ZFHX3: variants seen among roughly 807,000 people sequenced by gnomAD.
ZFHX3 encodes the protein zinc finger homeobox protein 3.
Under a neutral mutation model 279.1 loss-of-function variants are expected in ZFHX3, and 42 were observed. That is an observed-to-expected ratio of 0.15 (90% confidence interval 0.12 to 0.19). ZFHX3 has a LOEUF of 0.19. Ranked by LOEUF, ZFHX3 falls within the 10% of genes least tolerant of loss-of-function variation. The pLI, the probability that ZFHX3 is intolerant of heterozygous loss-of-function variation, is 1.00. For missense variants in ZFHX3, 4,981 were observed against 4,754.0 expected (o/e 1.05, Z -1.40); for synonymous variants, 2,293 against 1,957.8 (o/e 1.17, Z -4.52).
chr16:72,989,460 C>G (rs1015984385), intron 1 of ZFHX3, among the ~76,000 whole-genome samples: 6 of 150,182 alleles, frequency 4.0e-5, no homozygotes, highest in African/African-American at 1.5e-4. Flanking sequence ...CCAGCCTGGG[C>G]GACAGACACT....
chr16:73,714,883 C>G (rs940798678), intron 1 of ZFHX3, among the ~76,000 whole-genome samples: 14 of 152,188 alleles, frequency 9.2e-5, no homozygotes, highest in Admixed American at 6.5e-4. Context: ...TAGTCCTGCT[C>G]CCGCTCATTT....
chr16:73,474,498 T>G lies in ZFHX3; in HGVS notation c.-1546-18240A>C, dbSNP rs907626870. The stretch of plus-strand genomic sequence containing the variant: ...CAAAAGCAGAGAGCATTTGCTTGCA[T>G]TTTTATATAAAACTCCAACAGGTGA... On this transcript the variant is annotated intron_variant, in intron 2 of 17. Coordinates refer to the ZFHX3 transcript ENST00000641206. Among the ~76,000 whole-genome samples the G allele has an allele frequency of 3.3e-5, 5 of 152,184 alleles. No homozygotes were observed. In the East Asian group the frequency reaches 9.6e-4, roughly 29 times the overall value.
At chr16:73,206,612 G>C (rs1446856626) in intron 5 of ZFHX3, among the ~76,000 whole-genome samples, 1 of 151,772 alleles carries the variant, frequency 6.6e-6, no homozygotes, top group Non-Finnish European at 1.5e-5. Flanking sequence ...CATGTATTCA[G>C]TATTTTTTTT....
intron 2 of ZFHX3, among the ~76,000 whole-genome samples, chr16:73,625,172 G>C (rs1373997592): frequency 6.6e-6 from 1 of 152,174 alleles, no homozygotes; most frequent in Non-Finnish European, 1.5e-5. Flanking sequence ...GCTCAACTCA[G>C]CCTCAGCTAG....
At chr16:73,363,404 C>T (rs1372894541) in intron 3 of ZFHX3, among the ~76,000 whole-genome samples, 3 of 152,144 alleles carry the variant, frequency 2.0e-5, no homozygotes, top group Admixed American at 6.6e-5. Flanking sequence ...TTCAATACTG[C>T]GATCTATGAA....
At chr16:73,128,134 C>T (rs796546958) in intron 7 of ZFHX3, among the ~76,000 whole-genome samples, 2 of 152,056 alleles carry the variant, frequency 1.3e-5, no homozygotes, top group African/African-American at 4.8e-5. Flanking sequence ...TAATTTTTGG[C>T]CTTGTTTGTT....
At chr16:73,728,015 G>GCCCACCCC (rs1555535414) in intron 1 of ZFHX3, among the ~76,000 whole-genome samples, 1 of 75,426 alleles carries the variant, frequency 1.3e-5, no homozygotes, top group Non-Finnish European at 2.6e-5. Context: ...GCCGAATTGT[G>GCCCACCCC]CCCCCCCCCC....
chr16:72,866,189 T>C (rs2038018097), intron 4 of ZFHX3, among the ~76,000 whole-genome samples: 1 of 152,156 alleles, frequency 6.6e-6, no homozygotes, highest in African/African-American at 2.4e-5. Context: ...CTTTGGCAGA[T>C]ACACAGAGAG....
intron 2 of ZFHX3, among the ~76,000 whole-genome samples, chr16:73,547,459 C>CT (rs2020138432): frequency 6.6e-6 from 1 of 152,040 alleles, no homozygotes; most frequent in Non-Finnish European, 1.5e-5. Flanking sequence ...TTGACTTTTC[C>CT]TTTAGTTCCA....
intron 1 of ZFHX3, among the ~76,000 whole-genome samples, chr16:73,844,629 G>A (rs1397180487): frequency 6.6e-6 from 1 of 151,984 alleles, no homozygotes; most frequent in Non-Finnish European, 1.5e-5. Context: ...ATGGGAAGAT[G>A]GGTAGAGGGA....
intron 2 of ZFHX3, among the ~76,000 whole-genome samples, chr16:73,553,632 AT>A (rs971875931): frequency 1.3e-5 from 2 of 152,156 alleles, no homozygotes; most frequent in African/African-American, 4.8e-5. Context: ...ACCTCTTTAT[AT>A]TTAAGGACAG....
At chr16:73,280,373 A>G (rs2014426007) in intron 4 of ZFHX3, among the ~76,000 whole-genome samples, 1 of 152,224 alleles carries the variant, frequency 6.6e-6, no homozygotes, top group Non-Finnish European at 1.5e-5. Flanking sequence ...TTTAATATCC[A>G]AAATACATTA....
At chr16:73,403,688 G>A (rs756842219) in intron 3 of ZFHX3, among the ~76,000 whole-genome samples, 3 of 152,196 alleles carry the variant, frequency 2.0e-5, no homozygotes, top group Non-Finnish European at 4.4e-5. Context: ...AGGGAGCTGA[G>A]CACTGAAAGG....
chr16:73,163,332 A>G (rs1287611275), intron 5 of ZFHX3, among the ~76,000 whole-genome samples: 1 of 152,204 alleles, frequency 6.6e-6, no homozygotes, highest in Non-Finnish European at 1.5e-5. Flanking sequence ...ACAAAATATA[A>G]AGGCACTGGG....
chr16:72,857,695 A>AAAAAC (rs59492312), intron 4 of ZFHX3, among the ~76,000 whole-genome samples: 23,743 of 151,774 alleles, frequency 0.16, 4,272 homozygotes, highest in African/African-American at 0.41. Flanking sequence ...TGTAATTGAC[A>AAAAAC]AAAACAAAAC....
chr16:73,536,440 C>T (rs1275836410), intron 2 of ZFHX3, among the ~76,000 whole-genome samples: 1 of 152,200 alleles, frequency 6.6e-6, no homozygotes, highest in Non-Finnish European at 1.5e-5. Flanking sequence ...AGACACATCA[C>T]TTTCATTATT....
chr16:73,585,035 A>C (rs2051909511), intron 2 of ZFHX3, among the ~76,000 whole-genome samples: 1 of 152,224 alleles, frequency 6.6e-6, no homozygotes, highest in Non-Finnish European at 1.5e-5. Context: ...ATACCTTCTC[A>C]CACCAGTCAG....
chr16:73,142,611 G>A (rs886952707), intron 6 of ZFHX3, among the ~76,000 whole-genome samples: 6 of 152,230 alleles, frequency 3.9e-5, no homozygotes, highest in Admixed American at 2.6e-4. Flanking sequence ...AAAACCAGAT[G>A]CGTTAATGAG....
chr16:73,882,680 A>G (rs1352318564), intron 1 of ZFHX3, among the ~76,000 whole-genome samples: 4 of 152,028 alleles, frequency 2.6e-5, no homozygotes, highest in Admixed American at 6.6e-5. Flanking sequence ...CACATCAACC[A>G]CGATTGAATG....
Sources: gnomAD v4.1 joint callset for allele counts (sites outside exome capture counted in the v4.1 genomes callset) on GRCh38, gnomAD v4.1.1 for gene constraint, MANE v1.5 for transcripts, NCBI Gene and HGNC (gene_info 2026-07-23, HGNC 2026-07-21) for gene names.